HS2ST1: variants seen among roughly 807,000 people sequenced by gnomAD.
HS2ST1 encodes 2-O-sulfotransferase.
HS2ST1 carries 18 observed loss-of-function variants against 42.9 expected under a neutral mutation model. That is an observed-to-expected ratio of 0.42 (90% CI 0.29 to 0.62). The LOEUF is 0.62. HS2ST1 is among the 20% of genes least tolerant of loss of function. The pLI is 0.21. For missense variants in HS2ST1, 334 were observed against 433.8 expected (o/e 0.77, Z 2.04); for synonymous variants, 146 against 152.9 (o/e 0.95, Z 0.33).
intron 1 of HS2ST1, among the ~76,000 whole-genome samples, chr1:87,029,761 G>A (rs1168443665): frequency 1.3e-5 from 2 of 152,192 alleles, no homozygotes; most frequent in Non-Finnish European, 2.9e-5. Context: ...AGGACAGGAG[G>A]ATGATGGTAG....
chr1:87,092,502 T>C (rs1651970418), intron 3 of HS2ST1, 29 bp from the exon 4 acceptor site: 2 of 1,513,660 alleles, frequency 1.3e-6, no homozygotes, highest in East Asian at 5.0e-5. Flanking sequence ...AAATGTTGAT[T>C]TCACCTTTGA....
At chr1:86,969,499 TTTTC>T (rs2102207575) in intron 1 of HS2ST1, among the ~76,000 whole-genome samples, 1 of 152,288 alleles carries the variant, frequency 6.6e-6, no homozygotes, top group South Asian at 2.1e-4. Context: ...GATCTAATGG[TTTTC>T]TAAGAGCTAG....
At chr1:86,928,975 C>T (rs1660478656) in intron 1 of HS2ST1, among the ~76,000 whole-genome samples, 1 of 151,804 alleles carries the variant, frequency 6.6e-6, no homozygotes, top group Non-Finnish European at 1.5e-5. Context: ...TAGGTTGGAA[C>T]TTTGTGTTTA....
chr1:86,971,480 G>A (rs1033361608), intron 1 of HS2ST1, among the ~76,000 whole-genome samples: 3 of 152,082 alleles, frequency 2.0e-5, no homozygotes, highest in African/African-American at 7.2e-5. Context: ...TGGACCTAGG[G>A]TGGGGTTTTA....
intron 1 of HS2ST1, among the ~76,000 whole-genome samples, chr1:86,999,174 A>G (rs1352355848): frequency 6.6e-6 from 1 of 151,538 alleles, no homozygotes; most frequent in Non-Finnish European, 1.5e-5. Flanking sequence ...AATAATTTTT[A>G]TTTTCTTTTT....
chr1:87,031,415 C>G (rs1650234628), intron 1 of HS2ST1, among the ~76,000 whole-genome samples: 1 of 148,374 alleles, frequency 6.7e-6, no homozygotes, highest in African/African-American at 2.5e-5. Context: ...TTGAGAACCA[C>G]TGAACTAGAT....
At chr1:86,981,100 G>A (rs1263854413) in intron 1 of HS2ST1, among the ~76,000 whole-genome samples, 1 of 152,132 alleles carries the variant, frequency 6.6e-6, no homozygotes, top group Non-Finnish European at 1.5e-5. Flanking sequence ...CAGCAGGAGA[G>A]GGGTGGGGAA....
At chr1:86,954,085 C>G (rs964924066) in intron 1 of HS2ST1, among the ~76,000 whole-genome samples, 1 of 143,334 alleles carries the variant, frequency 7.0e-6, no homozygotes, top group South Asian at 2.3e-4. Flanking sequence ...GGCTTGGTGG[C>G]TCACGCCTCT....
At chr1:86,941,044 C>T (rs1173546302) in intron 1 of HS2ST1, among the ~76,000 whole-genome samples, 1 of 152,106 alleles carries the variant, frequency 6.6e-6, no homozygotes, top group Non-Finnish European at 1.5e-5. Flanking sequence ...ATCTAAGTGA[C>T]ATGTAGTCCA....
At chr1:86,919,326 C>T (rs888421373) in intron 1 of HS2ST1, among the ~76,000 whole-genome samples, 3 of 152,160 alleles carry the variant, frequency 2.0e-5, no homozygotes, top group Non-Finnish European at 2.9e-5. Flanking sequence ...TTAAAATACA[C>T]ACAGTTAAAT....
At chr1:87,014,003 T>C (rs759186417) in intron 1 of HS2ST1, among the ~76,000 whole-genome samples, 3 of 152,140 alleles carry the variant, frequency 2.0e-5, no homozygotes, top group Non-Finnish European at 4.4e-5. Flanking sequence ...ATTCAACAAG[T>C]CTCCAGGAAG....
In HS2ST1 at chr1:87,108,780, C is replaced by T. The variant is rs1003843896; in HGVS notation, c.*4084C>T. The stretch of plus-strand genomic sequence containing the variant: ...CATTACTGTTAAGCCTGTGTTGAGA[C>T]ATTGATGCTGTCTATCTCATTTTTT... On this transcript the variant is annotated 3_prime_UTR_variant, in exon 7 of 7. Coordinates refer to ENST00000370550, the MANE Select transcript of HS2ST1 (RefSeq NM_012262.4). 1.3e-5 allele frequency: 2 copies of T among 152,426 alleles called. No individual in the cohort carries two copies. The highest frequency in any genetic ancestry group is 4.8e-5 in the African/African-American group (2 of 41,420). The allele number at this position is 152,426 out of a possible 1,614,324, so 9.4% of individuals were successfully genotyped here.
intron 4 of HS2ST1, among the ~76,000 whole-genome samples, chr1:87,094,829 G>A (rs1344121032): frequency 6.6e-6 from 1 of 151,660 alleles, no homozygotes; most frequent in African/African-American, 2.4e-5. Context: ...TTTTAACTTC[G>A]TTATAAAATA....
chr1:87,071,512 C>T (rs1007334931), intron 1 of HS2ST1, among the ~76,000 whole-genome samples: 1 of 151,896 alleles, frequency 6.6e-6, no homozygotes, highest in Non-Finnish European at 1.5e-5. Flanking sequence ...GGGTGGATCA[C>T]GAGGTCAGGA....
chr1:86,985,227 C>T (rs1398340852), intron 1 of HS2ST1, among the ~76,000 whole-genome samples: 2 of 145,530 alleles, frequency 1.4e-5, no homozygotes, highest in Admixed American at 6.8e-5. Flanking sequence ...TGGTGGCAGG[C>T]GCCTGTAGTC....
rs1288456325 is a variant in HS2ST1 at position 87,035,532 on chromosome 1, T to G, written c.125-37402T>G. Among the ~76,000 whole-genome samples the G allele has an allele frequency of 2.6e-5, 4 of 152,312 alleles. No homozygotes were observed. The East Asian group carries it at 7.7e-4, about 29-fold the overall frequency. ...GGAGAATGTGTTATCATAATAATTTTTAGTATGCAGCCTCTTGACTTGATT... is the reference window on the plus strand; with the variant it reads ...GGAGAATGTGTTATCATAATAATTTGTAGTATGCAGCCTCTTGACTTGATT... On this transcript the variant is annotated intron_variant, in intron 1 of 6. Transcript: ENST00000370550.
At chr1:87,090,674 T>C (rs2100648956) in intron 3 of HS2ST1, among the ~76,000 whole-genome samples, 1 of 152,102 alleles carries the variant, frequency 6.6e-6, no homozygotes, top group African/African-American at 2.4e-5. Flanking sequence ...TTTTTAAATC[T>C]TTCAGTGGCC....
chr1:87,024,400 C>T (rs1469312513), intron 1 of HS2ST1, among the ~76,000 whole-genome samples: 1 of 151,522 alleles, frequency 6.6e-6, no homozygotes, highest in Non-Finnish European at 1.5e-5. Context: ...AATCAGGAGG[C>T]TGAGGCAGGA....
intron 1 of HS2ST1, among the ~76,000 whole-genome samples, chr1:86,983,695 A>G (rs1402481736): frequency 6.6e-6 from 1 of 152,102 alleles, no homozygotes; most frequent in African/African-American, 2.4e-5. Flanking sequence ...TAATAGAATA[A>G]TGCTTCAAGA....
Sources: allele counts gnomAD v4.1 joint callset (sites outside exome capture counted in the v4.1 genomes callset), GRCh38; gene constraint gnomAD v4.1.1; transcripts MANE v1.5; gene names NCBI Gene and HGNC (gene_info 2026-07-23, HGNC 2026-07-21).